Variants in NKAIN2 observed in about 807,000 individuals in gnomAD.
The protein encoded by NKAIN2 is sodium/potassium-transporting ATPase subunit beta-1-interacting protein 2.
A neutral mutation model predicts 32.6 loss-of-function variants in NKAIN2; 14 were observed. The ratio of observed to expected loss-of-function variants is 0.43; its 90% CI spans 0.28 to 0.67. NKAIN2 has a LOEUF of 0.67. NKAIN2 is among the 30% of genes least tolerant of loss of function. The pLI, the probability that NKAIN2 is intolerant of heterozygous loss-of-function variation, is 0.17. For missense variants in NKAIN2, 198 were observed against 258.3 expected (o/e 0.77, Z 1.60); for synonymous variants, 80 against 87.2 (o/e 0.92, Z 0.46).
chr6:123,833,253 T>C (rs1774460737), intron 1 of NKAIN2, among the ~76,000 whole-genome samples: 2 of 152,196 alleles, frequency 1.3e-5, no homozygotes, highest in African/African-American at 2.4e-5. Context: ...TCATTGACTA[T>C]ATCTGTGTAG....
intron 1 of NKAIN2, among the ~76,000 whole-genome samples, chr6:124,262,948 A>T (rs76546949): frequency 0.02 from 3,119 of 152,240 alleles, 113 homozygotes; most frequent in African/African-American, 0.066. Flanking sequence ...CTGCATAAGG[A>T]GAATAATAAG....
intron 4 of NKAIN2, among the ~76,000 whole-genome samples, chr6:124,755,711 AG>A (rs1015603336): frequency 6.6e-6 from 1 of 152,100 alleles, no homozygotes; most frequent in Non-Finnish European, 1.5e-5. Flanking sequence ...TGCCTACCAG[AG>A]GGTGGAAGTC....
At chr6:124,729,947 C>G (rs1175638028) in intron 4 of NKAIN2, among the ~76,000 whole-genome samples, 1 of 147,578 alleles carries the variant, frequency 6.8e-6, no homozygotes, top group Non-Finnish European at 1.5e-5. Flanking sequence ...CATGAGTGAA[C>G]TCCCATTCAC....
chr6:124,113,825 G>A (rs1325869855), intron 1 of NKAIN2, among the ~76,000 whole-genome samples: 2 of 152,156 alleles, frequency 1.3e-5, no homozygotes, highest in African/African-American at 4.8e-5. Context: ...CCAGGATGCA[G>A]GAACCTTTCA....
At chr6:124,407,540 G>A (rs1257485731) in intron 3 of NKAIN2, among the ~76,000 whole-genome samples, 2 of 151,938 alleles carry the variant, frequency 1.3e-5, no homozygotes, top group Non-Finnish European at 2.9e-5. Flanking sequence ...ATTTTTTATG[G>A]CTTCATAGTA....
chr6:124,622,479 C>T (rs1783143399), intron 3 of NKAIN2, among the ~76,000 whole-genome samples: 3 of 152,322 alleles, frequency 2.0e-5, no homozygotes, highest in African/African-American at 7.2e-5. Flanking sequence ...TTACAATGCT[C>T]TCTTAGCCTT....
intron 1 of NKAIN2, among the ~76,000 whole-genome samples, chr6:123,806,638 C>G (rs342607): frequency 0.75 from 114,617 of 151,892 alleles, 44,186 homozygotes; most frequent in Non-Finnish European, 0.83. Context: ...ACAAATAAAC[C>G]AGGTTTCTAG....
intron 4 of NKAIN2, among the ~76,000 whole-genome samples, chr6:124,669,810 C>T (rs917770790): frequency 9.2e-5 from 14 of 151,950 alleles, no homozygotes; most frequent in Non-Finnish European, 2.1e-4. Context: ...TTTGGCATTA[C>T]ATTTATTTTT....
chr6:124,322,566 C>T (rs1030393386), intron 2 of NKAIN2, among the ~76,000 whole-genome samples: 6 of 152,094 alleles, frequency 3.9e-5, no homozygotes, highest in African/African-American at 1.4e-4. Context: ...TAAACTCTAG[C>T]AATCATTAAT....
At chr6:124,012,641 C>T (rs923302114) in intron 1 of NKAIN2, among the ~76,000 whole-genome samples, 3 of 152,068 alleles carry the variant, frequency 2.0e-5, no homozygotes, top group African/African-American at 7.2e-5. Flanking sequence ...GAGAGCTATT[C>T]TTCTTACATG....
chr6:124,600,666 T>C (rs938893190), intron 3 of NKAIN2, among the ~76,000 whole-genome samples: 2 of 152,110 alleles, frequency 1.3e-5, no homozygotes, highest in African/African-American at 4.8e-5. Context: ...AATTTTACAA[T>C]TGCAGAATAC....
rs138965436 is a variant in NKAIN2, at chr6:124,046,703, A to G, written c.55-236302A>G. 7.2e-4 allele frequency among the ~76,000 whole-genome samples: 109 copies of G among 152,112 alleles called. 1 individual carries two copies. Among genetic ancestry groups the G allele is most frequent in the African/African-American group, 2.5e-3 (103 of 41,548 alleles). On this transcript the variant is annotated intron_variant, in intron 1 of 6. Coordinates refer to ENST00000368417, the MANE Select transcript of NKAIN2 (RefSeq NM_001040214.3). ...GCTACCTGAGTATGAGAATGCAGAC[A>G]TTGAGTTCTAGGGTCTTCTCCATCT...
At chr6:124,337,245 C>T (rs563716262) in intron 2 of NKAIN2, among the ~76,000 whole-genome samples, 1 of 152,222 alleles carries the variant, frequency 6.6e-6, no homozygotes, top group Admixed American at 6.5e-5. Flanking sequence ...GCCTGTAATC[C>T]CATCACATTG....
intron 1 of NKAIN2, among the ~76,000 whole-genome samples, chr6:124,094,943 C>T (rs1180339112): frequency 6.6e-6 from 1 of 152,126 alleles, no homozygotes; most frequent in Non-Finnish European, 1.5e-5. Context: ...GTAGACTTCT[C>T]TCCACTTACA....
intron 1 of NKAIN2, among the ~76,000 whole-genome samples, chr6:123,957,941 T>C (rs1287626356): frequency 6.6e-6 from 1 of 152,222 alleles, no homozygotes; most frequent in Non-Finnish European, 1.5e-5. Flanking sequence ...GCTGCTCTTA[T>C]GGTTAGGTTG....
At chr6:124,194,628 A>G (rs1790220057) in intron 1 of NKAIN2, among the ~76,000 whole-genome samples, 1 of 151,748 alleles carries the variant, frequency 6.6e-6, no homozygotes, top group Non-Finnish European at 1.5e-5. Flanking sequence ...TGATTTTTTT[A>G]TATTCTAGGT....
chr6:124,590,518 C>A (rs982185564), intron 3 of NKAIN2, among the ~76,000 whole-genome samples: 1 of 152,196 alleles, frequency 6.6e-6, no homozygotes, highest in African/African-American at 2.4e-5. Flanking sequence ...GAAACGGGAA[C>A]ATGAGAGCCG....
chr6:124,808,298 G>A (rs1406409427), intron 5 of NKAIN2, among the ~76,000 whole-genome samples: 10 of 151,682 alleles, frequency 6.6e-5, no homozygotes, highest in African/African-American at 9.7e-5. Flanking sequence ...GATCAAGTGG[G>A]CTTCATCCCT....
chr6:123,957,906 C>G (rs1399991259), intron 1 of NKAIN2, among the ~76,000 whole-genome samples: 1 of 152,082 alleles, frequency 6.6e-6, no homozygotes, highest in African/African-American at 2.4e-5. Flanking sequence ...AAATTCCAGT[C>G]AATCACAATA....
Sources: gnomAD v4.1 joint callset for allele counts (sites outside exome capture counted in the v4.1 genomes callset) on GRCh38, gnomAD v4.1.1 for gene constraint, MANE v1.5 for transcripts, NCBI Gene and HGNC (gene_info 2026-07-23, HGNC 2026-07-21) for gene names.